RBFOX3: variants seen among roughly 807,000 people sequenced by gnomAD.
RBFOX3 encodes the protein RNA binding protein fox-1 homolog 3.
A neutral mutation model predicts 48.7 loss-of-function variants in RBFOX3; 17 were observed. That is an observed-to-expected ratio of 0.35 (90% CI 0.24 to 0.52). RBFOX3 has a LOEUF of 0.52. Ranked by LOEUF, RBFOX3 falls within the 20% of genes least tolerant of loss-of-function variation. The pLI is 0.94. For synonymous variants in RBFOX3, 212 were observed against 209.5 expected, an observed-to-expected ratio of 1.01 and a Z score of -0.10; for missense variants, 382 against 497.5, an observed-to-expected ratio of 0.77 and a Z score of 2.21.
At chr17:79,542,949 C>T (rs781861364) in intron 1 of RBFOX3, among the ~76,000 whole-genome samples, 13 of 152,150 alleles carry the variant, frequency 8.5e-5, no homozygotes, top group East Asian at 3.9e-4. Context: ...TTGGAGTTGG[C>T]GTACACTTTT....
At chr17:79,142,767 T>C (rs2042162953) in intron 4 of RBFOX3, among the ~76,000 whole-genome samples, 1 of 152,166 alleles carries the variant, frequency 6.6e-6, no homozygotes, top group Non-Finnish European at 1.5e-5. Flanking sequence ...AAGATGGGTC[T>C]GGGCTTCTAG....
intron 1 of RBFOX3, among the ~76,000 whole-genome samples, chr17:79,518,051 A>G (rs1175284497): frequency 6.6e-6 from 1 of 152,244 alleles, no homozygotes; most frequent in Non-Finnish European, 1.5e-5. Context: ...CCACTTGGCT[A>G]CATCCTCCGT....
chr17:79,184,641 C>T lies in RBFOX3; in HGVS notation c.-34+51125G>A, dbSNP rs528266738. Among the ~76,000 whole-genome samples, 15 of 152,358 alleles carry T rather than the reference C, an allele frequency of 9.8e-5. No individual in the cohort carries two copies. In the South Asian group the frequency reaches 2.9e-3, roughly 29 times the overall value. On this transcript the variant is annotated intron_variant, in intron 4 of 14. Coordinates refer to ENST00000693108, the MANE Select transcript of RBFOX3 (RefSeq NM_001350451.2). ...ACTGTCAGAGGCAGAGCCAGTGGCT[C>T]ATGCCTAACCTCACGCCTTCCAGGA... is the stretch of plus-strand genomic sequence containing the variant.
intron 12 of RBFOX3, among the ~76,000 whole-genome samples, chr17:79,096,354 C>T (rs917299740): frequency 8.5e-5 from 13 of 152,186 alleles, no homozygotes; most frequent in Non-Finnish European, 1.9e-4. Flanking sequence ...AGGGACGTGG[C>T]AGAGTCCCAC....
intron 2 of RBFOX3, among the ~76,000 whole-genome samples, chr17:79,353,711 G>A (rs563794839): frequency 1.3e-5 from 2 of 152,184 alleles, no homozygotes; most frequent in Non-Finnish European, 2.9e-5. Flanking sequence ...TGACCTCCTC[G>A]GTCTCAGCCA....
At chr17:79,350,532 A>G (rs1335334572) in intron 2 of RBFOX3, among the ~76,000 whole-genome samples, 2 of 152,314 alleles carry the variant, frequency 1.3e-5, no homozygotes, top group East Asian at 1.9e-4. Flanking sequence ...TTTAGCAGTG[A>G]AAGTCTACAT....
At chr17:79,465,719 G>T (rs2149323755) in intron 2 of RBFOX3, among the ~76,000 whole-genome samples, 1 of 152,352 alleles carries the variant, frequency 6.6e-6, no homozygotes, top group East Asian at 1.9e-4. Flanking sequence ...GCCTGCCCTG[G>T]ACCCACAGCA....
chr17:79,329,479 T>C (rs2079874348), intron 2 of RBFOX3, among the ~76,000 whole-genome samples: 1 of 152,126 alleles, frequency 6.6e-6, no homozygotes, highest in South Asian at 2.1e-4. Context: ...TGGTGTTACG[T>C]GGCCACGCCA....
At chr17:79,650,692 G>T in the RBFOX3 span, among the ~76,000 whole-genome samples, 1 of 152,034 alleles carries the variant, frequency 6.6e-6, no homozygotes, top group Non-Finnish European at 1.5e-5. Flanking sequence ...TGCACTTCTG[G>T]AGAGACTAAA....
the RBFOX3 span, among the ~76,000 whole-genome samples, chr17:79,624,587 G>A: frequency 1.3e-5 from 2 of 152,126 alleles, no homozygotes; most frequent in African/African-American, 4.8e-5. Context: ...CGAGCGAAGG[G>A]AGCAGCTCAC....
intron 4 of RBFOX3, among the ~76,000 whole-genome samples, chr17:79,157,412 G>A (rs1479496990): frequency 2.6e-5 from 4 of 152,292 alleles, no homozygotes; most frequent in Admixed American, 6.5e-5. Context: ...GTAAGGCCCC[G>A]GAATCTGATC....
intron 4 of RBFOX3, among the ~76,000 whole-genome samples, chr17:79,122,339 G>A (rs770351229): frequency 3.3e-5 from 5 of 152,096 alleles, no homozygotes; most frequent in African/African-American, 7.2e-5. Context: ...GGTCCTGCAC[G>A]ACCCCTGCTC....
At chr17:79,603,104 C>A (rs2093745499) in intron 1 of RBFOX3, among the ~76,000 whole-genome samples, 2 of 151,806 alleles carry the variant, frequency 1.3e-5, no homozygotes, top group Admixed American at 1.3e-4. Context: ...GATTCTCCTG[C>A]CTCAGCCTCC....
intron 3 of RBFOX3, among the ~76,000 whole-genome samples, chr17:79,275,851 A>C (rs1011867311): frequency 6.6e-6 from 1 of 152,196 alleles, no homozygotes; most frequent in Non-Finnish European, 1.5e-5. Context: ...CCACCGGAGG[A>C]CCCAGGTGTT....
intron 8 of RBFOX3, among the ~76,000 whole-genome samples, chr17:79,102,918 C>G (rs954758243): frequency 6.6e-6 from 1 of 152,198 alleles, no homozygotes; most frequent in African/African-American, 2.4e-5. Context: ...CAGCGCCTCT[C>G]CTAGGAAAAG....
rs2055359594 is a variant in RBFOX3 at position 79,195,281 on chromosome 17, A to G, written c.-34+40485T>C. Reference sequence around the variant, plus strand: ...ACATGGTGGTGGCTCTCGTGCGTACAGTCCCAGCTACTCAGGAGGCTGAGA... The same window carrying G: ...ACATGGTGGTGGCTCTCGTGCGTACGGTCCCAGCTACTCAGGAGGCTGAGA... On this transcript the variant is annotated intron_variant, in intron 4 of 14. Transcript: ENST00000693108. The surrounding 1 kb of genome is among the most constrained non-coding windows in gnomAD (Gnocchi z 5.3). 6.6e-6 allele frequency among the ~76,000 whole-genome samples: 1 copy of G among 152,176 alleles called. No homozygotes were observed. The highest frequency in any genetic ancestry group is 2.4e-5 in the African/African-American group (1 of 41,450).
the RBFOX3 span, among the ~76,000 whole-genome samples, chr17:79,620,606 C>T: frequency 3.5e-5 from 5 of 142,918 alleles, no homozygotes; most frequent in South Asian, 6.9e-4. Flanking sequence ...CACGCACGCA[C>T]ACATGCACAC....
chr17:79,589,078 C>G (rs889994386), intron 1 of RBFOX3, among the ~76,000 whole-genome samples: 71 of 152,210 alleles, frequency 4.7e-4, no homozygotes, highest in Non-Finnish European at 8.5e-4. Context: ...TGAGCTTGGA[C>G]AGTTCTTTCA....
chr17:79,177,439 G>A (rs999865313), intron 4 of RBFOX3, among the ~76,000 whole-genome samples: 1 of 152,218 alleles, frequency 6.6e-6, no homozygotes, highest in African/African-American at 2.4e-5. Context: ...GGAGAGGAGA[G>A]GCGGGAGGCA....
Sources: gnomAD v4.1 joint callset for allele counts (sites outside exome capture counted in the v4.1 genomes callset) on GRCh38, gnomAD v4.1.1 for gene constraint, Gnocchi (gnomAD v3.1) non-coding constraint, MANE v1.5 for transcripts, NCBI Gene and HGNC (gene_info 2026-07-23, HGNC 2026-07-21) for gene names.